SNTB1: variants seen among roughly 807,000 people sequenced by gnomAD.
SNTB1 encodes the protein syntrophin beta 1.
A neutral mutation model predicts 48.9 loss-of-function variants in SNTB1; 36 were observed. The ratio of observed to expected loss-of-function variants is 0.74; its 90% CI spans 0.56 to 0.97. SNTB1 has a LOEUF of 0.97. Among genes scored for constraint, SNTB1 ranks in the 50% least tolerant of loss-of-function variants. The pLI, the probability that SNTB1 is intolerant of heterozygous loss-of-function variation, is 0.00. For synonymous variants in SNTB1, 299 were observed against 294.6 expected (o/e 1.01, Z -0.15); for missense variants, 786 against 703.4 (o/e 1.12, Z -1.33).
intron 1 of SNTB1, among the ~76,000 whole-genome samples, chr8:120,771,109 C>A (rs1819619536): frequency 6.6e-6 from 1 of 152,128 alleles, no homozygotes; most frequent in South Asian, 2.1e-4. Flanking sequence ...GATGCAGCAA[C>A]ACTGGATTTG....
intron 1 of SNTB1, among the ~76,000 whole-genome samples, chr8:120,790,689 C>A (rs1245741315): frequency 6.6e-6 from 1 of 151,526 alleles, no homozygotes; most frequent in African/African-American, 2.4e-5. Flanking sequence ...ACCAAGGAGG[C>A]AAAAGATGTC....
intron 1 of SNTB1, among the ~76,000 whole-genome samples, chr8:120,793,362 C>T (rs995763890): frequency 6.6e-6 from 1 of 152,062 alleles, no homozygotes; most frequent in African/African-American, 2.4e-5. Flanking sequence ...ACTGTTATCG[C>T]CTTCAAAAGC....
At chr8:120,554,998 A>AATC (rs1554644532) in intron 4 of SNTB1, among the ~76,000 whole-genome samples, 4 of 151,726 alleles carry the variant, frequency 2.6e-5, no homozygotes, top group African/African-American at 9.8e-5. Flanking sequence ...ATCAATCAAT[A>AATC]AAGATTTCTT....
chr8:120,793,837 AATT>A (rs1168833571), intron 1 of SNTB1, among the ~76,000 whole-genome samples: 2 of 152,006 alleles, frequency 1.3e-5, no homozygotes, highest in South Asian at 2.1e-4. Flanking sequence ...AACCCCCCAA[AATT>A]ATTAAGAGTT....
intron 1 of SNTB1, among the ~76,000 whole-genome samples, chr8:120,750,059 G>A (rs1455838955): frequency 6.6e-6 from 1 of 152,024 alleles, no homozygotes; most frequent in Non-Finnish European, 1.5e-5. Flanking sequence ...GCTTGGTTGA[G>A]CTTGCAAGGC....
chr8:120,637,645 G>A (rs1817104223), intron 2 of SNTB1: 2 of 299,864 alleles, frequency 6.7e-6, no homozygotes, highest in Non-Finnish European at 6.6e-6. Flanking sequence ...CTTACTATAG[G>A]GTAAACATTT....
intron 3 of SNTB1, among the ~76,000 whole-genome samples, chr8:120,590,680 CTTTTCTT>C (rs1816225652): frequency 7.6e-6 from 1 of 131,004 alleles, no homozygotes; most frequent in Non-Finnish European, 1.5e-5. Flanking sequence ...GTTTTCTTTT[CTTTTCTT>C]TTTTTTTTTT....
chr8:120,685,891 A>T (rs905596773), intron 2 of SNTB1, among the ~76,000 whole-genome samples: 1 of 152,208 alleles, frequency 6.6e-6, no homozygotes, highest in Non-Finnish European at 1.5e-5. Flanking sequence ...TTTATTGTTC[A>T]TAAGTTCCAC....
At chr8:120,638,739 C>CT (rs1046075685) in intron 2 of SNTB1, among the ~76,000 whole-genome samples, 2 of 152,092 alleles carry the variant, frequency 1.3e-5, no homozygotes, top group Non-Finnish European at 2.9e-5. Context: ...ATGAACTCAT[C>CT]TTTTTTATGG....
intron 2 of SNTB1, among the ~76,000 whole-genome samples, chr8:120,676,038 A>T (rs189093376): frequency 8.5e-4 from 129 of 152,354 alleles, no homozygotes; most frequent in Non-Finnish European, 1.5e-3. Context: ...TGACTGTGAT[A>T]ACACTTGCTA....
rs139551294 is a variant in SNTB1 at position 120,671,464 on chromosome 8, T to C, written c.788+22228A>G. Among the ~76,000 whole-genome samples, 25 of 152,306 alleles carry C rather than the reference T, an allele frequency of 1.6e-4. No homozygotes were observed. The East Asian group carries it at 3.9e-3, about 24-fold the overall frequency. Reference sequence around the variant, plus strand: ...AGGCCAGTAAAGACTGAAGCGGAGATTGCAGGGATGCAGCTACAAGCCAAG... The same window carrying C: ...AGGCCAGTAAAGACTGAAGCGGAGACTGCAGGGATGCAGCTACAAGCCAAG... On this transcript the variant is annotated intron_variant, in intron 2 of 6. Coordinates refer to ENST00000517992, the MANE Select transcript of SNTB1 (RefSeq NM_021021.4).
At chr8:120,741,698 T>A (rs889720184) in intron 1 of SNTB1, among the ~76,000 whole-genome samples, 2 of 152,196 alleles carry the variant, frequency 1.3e-5, no homozygotes, top group Admixed American at 1.3e-4. Context: ...AACATGAATC[T>A]AAGTGTCTTC....
intron 1 of SNTB1, among the ~76,000 whole-genome samples, chr8:120,769,874 C>T (rs1819589163): frequency 6.6e-6 from 1 of 152,136 alleles, no homozygotes; most frequent in Admixed American, 6.5e-5. Flanking sequence ...TACACAATGC[C>T]TAAAGAATGC....
At chr8:120,539,616 G>T (rs1815252661) in intron 6 of SNTB1, among the ~76,000 whole-genome samples, 1 of 152,204 alleles carries the variant, frequency 6.6e-6, no homozygotes, top group Non-Finnish European at 1.5e-5. Context: ...GCACATGCAA[G>T]ACTTACAGTC....
intron 3 of SNTB1, among the ~76,000 whole-genome samples, chr8:120,622,222 G>A (rs550267711): frequency 3.3e-5 from 5 of 152,234 alleles, no homozygotes; most frequent in East Asian, 1.9e-4. Context: ...CTCCAGCTCC[G>A]TAAAGATCTC....
intron 4 of SNTB1, among the ~76,000 whole-genome samples, chr8:120,565,512 G>A (rs915548129): frequency 1.3e-5 from 2 of 152,136 alleles, no homozygotes; most frequent in East Asian, 3.8e-4. Context: ...TTCGTGTGAT[G>A]GACACTATGC....
At chr8:120,602,484 G>A (rs985173910) in intron 3 of SNTB1, among the ~76,000 whole-genome samples, 4 of 152,200 alleles carry the variant, frequency 2.6e-5, no homozygotes, top group Admixed American at 6.5e-5. Flanking sequence ...AGGTTCCCCC[G>A]AAAGAAAGGA....
intron 1 of SNTB1, among the ~76,000 whole-genome samples, chr8:120,707,025 C>A (rs532127707): frequency 1.3e-5 from 2 of 152,276 alleles, no homozygotes; most frequent in South Asian, 4.1e-4. Flanking sequence ...GTGACGGGTT[C>A]TTTGAAACAT....
chr8:120,560,397 C>T (rs1038240727), intron 4 of SNTB1, among the ~76,000 whole-genome samples: 4 of 152,266 alleles, frequency 2.6e-5, no homozygotes, highest in South Asian at 2.1e-4. Flanking sequence ...GTAGGAGAAT[C>T]GCTTGAACCC....
Sources: gnomAD v4.1 joint callset for allele counts (sites outside exome capture counted in the v4.1 genomes callset) on GRCh38, gnomAD v4.1.1 for gene constraint, MANE v1.5 for transcripts, NCBI Gene and HGNC (gene_info 2026-07-23, HGNC 2026-07-21) for gene names.